GPC5: variants seen among roughly 807,000 people sequenced by gnomAD.
The protein encoded by GPC5 is glypican-5.
In GPC5, 47 loss-of-function variants were observed where a neutral mutation model predicts 53.9. The observed-to-expected ratio is 0.87, with a 90% confidence interval of 0.69 to 1.11. GPC5 has a LOEUF of 1.11. Ranked by LOEUF, GPC5 falls within the 50% of genes most tolerant of loss-of-function variation. GPC5 has a pLI of 0.00. For synonymous variants in GPC5, 286 were observed against 263.3 expected (o/e 1.09, Z -0.84); for missense variants, 748 against 713.1 (o/e 1.05, Z -0.56).
intron 1 of GPC5, among the ~76,000 whole-genome samples, chr13:91,442,958 CTTCT>C (rs1880541134): frequency 1.3e-5 from 2 of 152,108 alleles, no homozygotes; most frequent in Admixed American, 1.3e-4. Context: ...TACCTATTTG[CTTCT>C]TTCTTTTTAT....
intron 7 of GPC5, among the ~76,000 whole-genome samples, chr13:92,292,202 G>C (rs368859778): frequency 4.6e-5 from 7 of 152,194 alleles, no homozygotes; most frequent in African/African-American, 1.2e-4. Flanking sequence ...TAGATACCCA[G>C]TAGTGGGATT....
chr13:92,542,861 T>C (rs1280011585), intron 7 of GPC5, among the ~76,000 whole-genome samples: 1 of 152,086 alleles, frequency 6.6e-6, no homozygotes, highest in Non-Finnish European at 1.5e-5. Flanking sequence ...GTTAGTCTAT[T>C]AATGATTCCC....
Position 92,308,932 on chromosome 13 carries a change from A to C in GPC5, c.1561+163943A>C, listed in dbSNP as rs1285317206. ...CATGGCCATGTGTGATCCATCTTTA[A>C]AGGTACAGTCATTATGCAGGGAGGT... On this transcript the variant is annotated intron_variant, in intron 7 of 7. Transcript: ENST00000377067. Among the ~76,000 whole-genome samples, 3 of 152,228 alleles carry C rather than the reference A, an allele frequency of 2.0e-5. No individual in the cohort carries two copies. In the East Asian group the frequency reaches 5.8e-4, roughly 29 times the overall value.
intron 6 of GPC5, among the ~76,000 whole-genome samples, chr13:92,074,227 A>G (rs2041235435): frequency 6.6e-6 from 1 of 152,190 alleles, no homozygotes; most frequent in Admixed American, 6.5e-5. Flanking sequence ...AGCTATGTAA[A>G]CAATGGGGTA....
intron 2 of GPC5, among the ~76,000 whole-genome samples, chr13:91,506,757 TAAAAA>T (rs907056833): frequency 2.0e-5 from 3 of 152,046 alleles, no homozygotes; most frequent in African/African-American, 7.2e-5. Flanking sequence ...TCAAGTAAAT[TAAAAA>T]TATAATGAAT....
intron 6 of GPC5, among the ~76,000 whole-genome samples, chr13:92,136,498 C>G (rs1331491553): frequency 6.6e-6 from 1 of 152,120 alleles, no homozygotes; most frequent in African/African-American, 2.4e-5. Context: ...TACCTATACT[C>G]ATTATAGTAT....
intron 7 of GPC5, among the ~76,000 whole-genome samples, chr13:92,527,167 AGAAAGAG>A (rs1376638824): frequency 1.5e-5 from 2 of 129,614 alleles, no homozygotes; most frequent in African/African-American, 5.8e-5. Context: ...AAAGAAAGAA[AGAAAGAG>A]AAAGAAAGAA....
intron 7 of GPC5, among the ~76,000 whole-genome samples, chr13:92,290,832 T>G (rs1301043947): frequency 1.3e-5 from 2 of 152,136 alleles, no homozygotes; most frequent in African/African-American, 4.8e-5. Context: ...TGAGAGCCCC[T>G]TTTTGGGTTG....
chr13:92,619,266 T>G (rs1297636731), intron 7 of GPC5, among the ~76,000 whole-genome samples: 1 of 152,004 alleles, frequency 6.6e-6, no homozygotes, highest in Non-Finnish European at 1.5e-5. Flanking sequence ...GCATATTTAA[T>G]TTTTATGTCA....
At chr13:91,763,621 G>C (rs768313509) in intron 5 of GPC5, among the ~76,000 whole-genome samples, 2 of 152,148 alleles carry the variant, frequency 1.3e-5, no homozygotes, top group African/African-American at 4.8e-5. Flanking sequence ...GACAAATCCA[G>C]GTATGGCTGA....
chr13:92,317,066 T>C (rs2043184369), intron 7 of GPC5, among the ~76,000 whole-genome samples: 2 of 152,204 alleles, frequency 1.3e-5, no homozygotes, highest in African/African-American at 4.8e-5. Context: ...ATTCATAAAT[T>C]CTCATATTTC....
chr13:92,345,989 A>T (rs2043408206), intron 7 of GPC5, among the ~76,000 whole-genome samples: 2 of 152,282 alleles, frequency 1.3e-5, no homozygotes, highest in East Asian at 1.9e-4. Context: ...TAAGGTAAGA[A>T]GTTCATTTTA....
chr13:92,800,112 T>C (rs9561162), intron 7 of GPC5, among the ~76,000 whole-genome samples: 16,087 of 151,854 alleles, frequency 0.11, 2,013 homozygotes, highest in East Asian at 0.66. Context: ...TCCAAGTATT[T>C]GGTTTGCATG....
intron 3 of GPC5, among the ~76,000 whole-genome samples, chr13:91,713,279 AC>A (rs1431061234): frequency 1.3e-5 from 2 of 152,096 alleles, no homozygotes; most frequent in African/African-American, 2.4e-5. Context: ...AAGCCACTAA[AC>A]TTATATTTAT....
chr13:91,856,007 G>C (rs536955533), intron 5 of GPC5, among the ~76,000 whole-genome samples: 26 of 151,322 alleles, frequency 1.7e-4, no homozygotes, highest in Admixed American at 1.3e-4. Flanking sequence ...ATGCTTTCTG[G>C]TCTATATCCA....
chr13:92,599,962 CAAGA>C (rs1883994312), intron 7 of GPC5, among the ~76,000 whole-genome samples: 1 of 152,132 alleles, frequency 6.6e-6, no homozygotes, highest in South Asian at 2.1e-4. Context: ...TCACCCCAAA[CAAGA>C]AATATTTAAA....
At chr13:91,509,663 C>T (rs1329181412) in intron 2 of GPC5, among the ~76,000 whole-genome samples, 1 of 151,914 alleles carries the variant, frequency 6.6e-6, no homozygotes, top group Non-Finnish European at 1.5e-5. Flanking sequence ...AATCATATTT[C>T]TTAACTCTTT....
chr13:91,729,346 G>A (rs1463686922), intron 4 of GPC5, among the ~76,000 whole-genome samples: 2 of 151,910 alleles, frequency 1.3e-5, no homozygotes, highest in Non-Finnish European at 2.9e-5. Context: ...TAAAACTAGA[G>A]GAAATTATTA....
rs977828893 is a variant in GPC5, at chr13:92,134,516, T to C, written c.1402-10314T>C. 7.9e-5 allele frequency among the ~76,000 whole-genome samples: 12 copies of C among 152,272 alleles called. No individual in the cohort carries two copies. The South Asian group carries it at 1.7e-3, about 21-fold the overall frequency. ...AAAGAGATGAAGGCTTTTGGCATGT[T>C]CAATAAGCAACTCCTTGATGAGAAA... On this transcript the variant is annotated intron_variant, in intron 6 of 7. Transcript: ENST00000377067.
Sources: allele counts gnomAD v4.1 joint callset (sites outside exome capture counted in the v4.1 genomes callset), GRCh38; gene constraint gnomAD v4.1.1; transcripts MANE v1.5; gene names NCBI Gene and HGNC (gene_info 2026-07-23, HGNC 2026-07-21).